Variants in SHC2 observed in about 807,000 individuals in gnomAD.
The protein encoded by SHC2 is SHC-transforming protein 2.
Under a neutral mutation model 60.6 loss-of-function variants are expected in SHC2, and 62 were observed. The ratio of observed to expected loss-of-function variants is 1.02; its 90% CI spans 0.83 to 1.26. SHC2 has a LOEUF of 1.26. SHC2 is among the 50% of genes most tolerant of loss of function. SHC2 has a pLI of 0.00. For missense variants in SHC2, 873 were observed against 822.2 expected (o/e 1.06, Z -0.76); for synonymous variants, 375 against 372.4 (o/e 1.01, Z -0.08).
At chr19:423,848 G>T (rs1568281654) in intron 10 of SHC2, among the ~76,000 whole-genome samples, 1 of 152,160 alleles carries the variant, frequency 6.6e-6, no homozygotes, top group Non-Finnish European at 1.5e-5. Context: ...CCTCAACCGG[G>T]GCTGCCTGGC....
chr19:420,680 A>T (rs1974247013), intron 11 of SHC2, among the ~76,000 whole-genome samples: 1 of 152,238 alleles, frequency 6.6e-6, no homozygotes, highest in African/African-American at 2.4e-5. Context: ...CACTTCAAAT[A>T]TGCAATTGAT....
In SHC2 at chr19:424,167, C is replaced by T. The variant is rs1207988454; in HGVS notation, c.1309+930G>A. ...TCTCCGTGCTGGAGAAGGGCAGAGT[C>T]GAGGCTGCAGGAAATCAGGAGAGAA... is the stretch of plus-strand genomic sequence containing the variant. On this transcript the variant is annotated intron_variant, in intron 10 of 12. Transcript: ENST00000264554. The surrounding 1 kb of genome is among the most constrained non-coding windows in gnomAD (Gnocchi z 4.5). Among the ~76,000 whole-genome samples the T allele has an allele frequency of 6.6e-6, 1 of 152,134 alleles. No individual in the cohort carries two copies. The highest frequency in any genetic ancestry group is 1.5e-5 in the Non-Finnish European group (1 of 68,020).
In SHC2 at chr19:460,949, G is replaced by C. The variant is rs1975538218; in HGVS notation, c.48C>G (p.Pro16=). 1.0e-6 allele frequency: 1 copy of C among 985,620 alleles called. No homozygotes were observed. The highest frequency in any genetic ancestry group is 1.2e-6 in the Non-Finnish European group (1 of 831,094). The allele number at this position is 985,620 out of a possible 1,614,324, so 61.1% of individuals were successfully genotyped here. The change falls in exon 1 of 13, where the codon CCC becomes CCG. Residue 16 remains proline (P), a synonymous_variant. Transcript: ENST00000264554. The stretch of plus-strand genomic sequence containing the variant: ...AGGTGGTGGGCGCCTCGGGCTCGGG[G>C]GGCGCGGGGGGCGCCGGGGGCGCGC... The part of the protein sequence containing the change: ...GGRAPPAPPA[P]PEPEAPTTFC...
chr19:438,994 G>T lies in SHC2; in HGVS notation c.576C>A (p.Gly192=), dbSNP rs372414911. The stretch of plus-strand genomic sequence containing the variant: ...CCTTTTTCTTCCAGGATCCCCGGAC[G>T]CCAGGCACGGCCTCATGGAGCCGGT... ...AINRLHEAVP[G]VRGSWKKKAP... Residue 192 remains glycine, a synonymous_variant, in exon 3 of 13, where the codon GGC becomes GGA. Coordinates refer to ENST00000264554, the MANE Select transcript of SHC2 (RefSeq NM_012435.3). The surrounding 1 kb of genome is among the most constrained non-coding windows in gnomAD (Gnocchi z 5.0). 3.1e-6 allele frequency: 5 copies of T among 1,600,726 alleles called. No homozygotes were observed. The Admixed American group carries it at 6.8e-5, about 22-fold the overall frequency.
chr19:436,297 G>A lies in SHC2; in HGVS notation c.827-6C>T. ...GCACTCCAGGATGTGGCAGGCTGCGGGCACGTTGGTCATGCAGCCTCCGAG... is the reference window on the plus strand; with the variant it reads ...GCACTCCAGGATGTGGCAGGCTGCGAGCACGTTGGTCATGCAGCCTCCGAG... On this transcript the variant is annotated splice_polypyrimidine_tract_variant and splice_region_variant and intron_variant, in intron 6 of 12. Transcript: ENST00000264554. 6.3e-7 allele frequency: 1 copy of A among 1,588,982 alleles called. No individual in the cohort carries two copies. The highest frequency in any genetic ancestry group is 8.6e-7 in the Non-Finnish European group (1 of 1,169,124).
chr19:454,713 C>T (rs1301200055), intron 1 of SHC2, among the ~76,000 whole-genome samples: 1 of 152,056 alleles, frequency 6.6e-6, no homozygotes, highest in Admixed American at 6.5e-5. Flanking sequence ...TCGCTTGAAC[C>T]CGGGAGGCGG....
In SHC2 at chr19:424,618, CCCA is replaced by C. The variant is rs1033266000; in HGVS notation, c.1309+476_1309+478del. ...GGCCTCACAGACGGGGCCGCAGCCT[CCCA>C]CCACACTGACCATTCTTTCAAGGAA... On this transcript the variant is annotated intron_variant, in intron 10 of 12. Coordinates refer to ENST00000264554, the MANE Select transcript of SHC2 (RefSeq NM_012435.3). The surrounding 1 kb of genome is among the most constrained non-coding windows in gnomAD (Gnocchi z 4.5). Among the ~76,000 whole-genome samples the C allele has an allele frequency of 2.5e-4, 38 of 152,192 alleles. No homozygotes were observed. Among genetic ancestry groups the C allele is most frequent in the African/African-American group, 8.9e-4 (37 of 41,436 alleles).
rs998044702 is a variant in SHC2, at chr19:430,699, C to G, written c.1159G>C (p.Gly387Arg). 1 of 1,612,892 alleles carries G rather than the reference C, an allele frequency of 6.2e-7. No individual in the cohort carries two copies. Among genetic ancestry groups the G allele is most frequent in the Non-Finnish European group, 8.5e-7 (1 of 1,179,800 alleles). Residue 387 changes from glycine (G) to arginine (R), a missense_variant, in exon 9 of 13, where the codon GGG (glycine) becomes CGG (arginine). Transcript: ENST00000264554. ...CCCATCCTACCTGTACCGGTGGACC[C>G]CACGTCCCATGGCAGGCTGCAGGCA... is the stretch of plus-strand genomic sequence containing the variant. ...RDACSLPWDV[G>R]STGTAPPGDG...
rs142372259 is a variant in SHC2 at position 420,856 on chromosome 19, C to T, written c.1620+1290G>A. On this transcript the variant is annotated intron_variant, in intron 11 of 12. Transcript: ENST00000264554. Reference sequence around the variant, plus strand: ...CACAAGGTCAGGAGTTCGAGACCAACCTGGCCAACATGGTGATACCCCGTC... The same window carrying T: ...CACAAGGTCAGGAGTTCGAGACCAATCTGGCCAACATGGTGATACCCCGTC... Among the ~76,000 whole-genome samples, 722 of 151,484 alleles carry T rather than the reference C, an allele frequency of 4.8e-3. 1 individual carries two copies. Among genetic ancestry groups the T allele is most frequent in the African/African-American group, 0.017 (696 of 41,316 alleles).
Position 425,076 on chromosome 19 carries a change from G to A in SHC2, c.1309+21C>T, listed in dbSNP as rs763630244. On this transcript the variant is annotated intron_variant, in intron 10 of 12. Coordinates refer to ENST00000264554, the MANE Select transcript of SHC2 (RefSeq NM_012435.3). The surrounding 1 kb of genome is among the most constrained non-coding windows in gnomAD (Gnocchi z 4.1). ...AACACGGCCACACGCGATGACGGCCGCCCCCCAGGCTGCCACATACGCATG... is the reference window on the plus strand; with the variant it reads ...AACACGGCCACACGCGATGACGGCCACCCCCCAGGCTGCCACATACGCATG... The A allele has an allele frequency of 7.3e-6, 10 of 1,363,398 alleles. No individual in the cohort carries two copies. Among genetic ancestry groups the A allele is most frequent in the South Asian group, 4.3e-5 (2 of 46,724 alleles). The allele number at this position is 1,363,398 out of a possible 1,614,324, so 84.5% of individuals were successfully genotyped here. A position where few individuals can be genotyped will look rare whatever the true frequency, so the allele number is the denominator to read the frequency against.
In SHC2 at chr19:446,468, G is replaced by A. The variant is rs1448980972; in HGVS notation, c.469-5536C>T. 3.9e-5 allele frequency among the ~76,000 whole-genome samples: 6 copies of A among 152,034 alleles called. No individual in the cohort carries two copies. Among genetic ancestry groups the A allele is most frequent in the South Asian group, 2.1e-4 (1 of 4,802 alleles). Reference sequence around the variant, plus strand: ...TGGGATTACAGGCGCCCACTACCACGCCCGGCTAATTTTTGTATTTTTAGT... The same window carrying A: ...TGGGATTACAGGCGCCCACTACCACACCCGGCTAATTTTTGTATTTTTAGT... On this transcript the variant is annotated intron_variant, in intron 1 of 12. Coordinates refer to ENST00000264554, the MANE Select transcript of SHC2 (RefSeq NM_012435.3). The surrounding 1 kb of genome is among the most constrained non-coding windows in gnomAD (Gnocchi z 5.4).
Position 440,776 on chromosome 19 carries a change from A to C in SHC2, c.539+86T>G, listed in dbSNP as rs1974843846. 1 of 1,190,322 alleles carries C rather than the reference A, an allele frequency of 8.4e-7. No homozygotes were observed. Among genetic ancestry groups the C allele is most frequent in the South Asian group, 1.2e-5 (1 of 81,202 alleles). The allele number at this position is 1,190,322 out of a possible 1,614,324, so 73.7% of individuals were successfully genotyped here. On this transcript the variant is annotated intron_variant, in intron 2 of 12. Transcript: ENST00000264554. The surrounding 1 kb of genome is among the most constrained non-coding windows in gnomAD (Gnocchi z 7.0). ...CCTGGGACCCCAGCGCGGCTGTCGG[A>C]GAGCCCATCGCTGCCGCCCTCCAGT... is the stretch of plus-strand genomic sequence containing the variant.
At chr19:434,894 A>C (rs768654610) in intron 7 of SHC2, 29 bp from the exon 8 acceptor site, 2 of 1,602,094 alleles carry the variant, frequency 1.2e-6, no homozygotes, top group Admixed American at 3.4e-5. Context: ...CGGCCATGGC[A>C]CAGGCAGGGC....
In SHC2 at chr19:425,048, G is replaced by A. The variant is rs780417276; in HGVS notation, c.1309+49C>T. The A allele has an allele frequency of 1.5e-6, 2 of 1,341,298 alleles. No individual in the cohort carries two copies. The highest frequency in any genetic ancestry group is 1.5e-5 in the African/African-American group (1 of 66,588). 83.1% of individuals were successfully genotyped at this position (1,341,298 alleles called of 1,614,324 possible). A position where few individuals can be genotyped will look rare whatever the true frequency, so the allele number is the denominator to read the frequency against. ...GGGTGGGGTTGTGCCTCCCCCATCA[G>A]ACAACACGGCCACACGCGATGACGG... is the stretch of plus-strand genomic sequence containing the variant. On this transcript the variant is annotated intron_variant, in intron 10 of 12. Coordinates refer to ENST00000264554, the MANE Select transcript of SHC2 (RefSeq NM_012435.3). The surrounding 1 kb of genome is among the most constrained non-coding windows in gnomAD (Gnocchi z 4.1).
chr19:459,061 C>A (rs544230143), intron 1 of SHC2, among the ~76,000 whole-genome samples: 26 of 152,262 alleles, frequency 1.7e-4, no homozygotes, highest in African/African-American at 6.3e-4. Flanking sequence ...CTTACAGAGA[C>A]CCCTGATCCA....
intron 1 of SHC2, among the ~76,000 whole-genome samples, chr19:449,460 C>G (rs1428367143): frequency 6.6e-6 from 1 of 152,196 alleles, no homozygotes; most frequent in African/African-American, 2.4e-5. Flanking sequence ...TTTGAATACG[C>G]ACTGAAAATG....
chr19:418,832 G>C lies in SHC2; in HGVS notation c.*5+91C>G, dbSNP rs373012237. Reference sequence around the variant, plus strand: ...TGAGTCGTGCCCTCTAGAGGGAAAGGCACGGCACGTGAACCGGGTCTCAAT... The same window carrying C: ...TGAGTCGTGCCCTCTAGAGGGAAAGCCACGGCACGTGAACCGGGTCTCAAT... On this transcript the variant is annotated intron_variant, in intron 12 of 12. Coordinates refer to ENST00000264554, the MANE Select transcript of SHC2 (RefSeq NM_012435.3). 1.5e-5 allele frequency: 22 copies of C among 1,427,342 alleles called. No individual in the cohort carries two copies. In the African/African-American group the frequency reaches 3.0e-4, roughly 19 times the overall value. The allele number at this position is 1,427,342 out of a possible 1,614,324, so 88.4% of individuals were successfully genotyped here.
intron 1 of SHC2, among the ~76,000 whole-genome samples, chr19:455,142 T>C (rs998247180): frequency 6.6e-6 from 1 of 152,212 alleles, no homozygotes; most frequent in African/African-American, 2.4e-5. Context: ...GAAATAACAA[T>C]GACCTGGACC....
chr19:424,703 C>A lies in SHC2; in HGVS notation c.1309+394G>T, dbSNP rs1974365057. Among the ~76,000 whole-genome samples the A allele has an allele frequency of 6.6e-6, 1 of 152,198 alleles. No homozygotes were observed. The highest frequency in any genetic ancestry group is 1.5e-5 in the Non-Finnish European group (1 of 68,038). ...CCGACAGAGGCAGGTGGGTTACCCC[C>A]GAGAGAGTGGAGCTTCTCACAGAGC... On this transcript the variant is annotated intron_variant, in intron 10 of 12. Transcript: ENST00000264554. This position sits in a 1 kb window ranked among gnomAD's most constrained non-coding sequence, Gnocchi z 4.5.
Sources: allele counts gnomAD v4.1 joint callset (sites outside exome capture counted in the v4.1 genomes callset), GRCh38; gene constraint gnomAD v4.1.1; non-coding constraint Gnocchi (gnomAD v3.1); transcripts MANE v1.5; gene names NCBI Gene and HGNC (gene_info 2026-07-23, HGNC 2026-07-21).